LARP1: variants seen among roughly 807,000 people sequenced by gnomAD.
The protein encoded by LARP1 is La ribonucleoprotein 1, translational regulator, also known as la-related protein 1.
LARP1 carries 36 observed loss-of-function variants against 122.7 expected under a neutral mutation model. The ratio of observed to expected loss-of-function variants is 0.29; its 90% CI spans 0.22 to 0.39. The LOEUF is 0.39. Among genes scored for constraint, LARP1 ranks in the 10% least tolerant of loss-of-function variants. The probability of loss-of-function intolerance (pLI) is 1.00; values close to 1 mark genes in which losing one functional copy is unlikely to be tolerated. For synonymous variants in LARP1, 539 were observed against 528.7 expected (o/e 1.02, Z -0.27); for missense variants, 1,040 against 1,403.6 (o/e 0.74, Z 4.14).
chr5:154,775,464 A>C (rs1755793148), intron 1 of LARP1, among the ~76,000 whole-genome samples: 2 of 150,174 alleles, frequency 1.3e-5, no homozygotes, highest in African/African-American at 4.9e-5. Flanking sequence ...ACTGCATTCC[A>C]GTCTGGGTAA....
At chr5:154,689,919 A>C (rs1001071783) in intron 1 of LARP1, among the ~76,000 whole-genome samples, 2 of 152,190 alleles carry the variant, frequency 1.3e-5, no homozygotes, top group Non-Finnish European at 2.9e-5. Flanking sequence ...TCCACTAAAA[A>C]TACAAAAAAA....
intron 1 of LARP1, among the ~76,000 whole-genome samples, chr5:154,759,825 C>T (rs1457723777): frequency 1.3e-5 from 2 of 152,208 alleles, no homozygotes; most frequent in African/African-American, 4.8e-5. Flanking sequence ...TTACATGAGA[C>T]ATTAAACGCT....
intron 1 of LARP1, among the ~76,000 whole-genome samples, chr5:154,688,404 A>G (rs1754036733): frequency 6.6e-6 from 1 of 152,044 alleles, no homozygotes; most frequent in Non-Finnish European, 1.5e-5. Flanking sequence ...TCAAGCCTGC[A>G]CTTGGGGAGG....
chr5:154,764,333 C>T (rs985004093), intron 1 of LARP1, among the ~76,000 whole-genome samples: 6 of 149,170 alleles, frequency 4.0e-5, no homozygotes, highest in Non-Finnish European at 8.9e-5. Flanking sequence ...AAGCTGCATC[C>T]AGGTTGGGTG....
chr5:154,706,666 T>A (rs1235459037), intron 1 of LARP1, among the ~76,000 whole-genome samples: 1 of 151,744 alleles, frequency 6.6e-6, no homozygotes, highest in African/African-American at 2.4e-5. Context: ...TGACTCACAA[T>A]TTACGTATAT....
In LARP1 at chr5:154,715,234, A is replaced by G. The variant is rs184633505; in HGVS notation, c.205+2104A>G. Among the ~76,000 whole-genome samples, 266 of 148,476 alleles carry G rather than the reference A, an allele frequency of 1.8e-3. 1 individual carries two copies. The highest frequency in any genetic ancestry group is 2.6e-3 in the Non-Finnish European group (172 of 67,284). On this transcript the variant is annotated intron_variant, in intron 1 of 18. Transcript: ENST00000336314. Reference sequence around the variant, plus strand: ...TTTAAGGCCCCTGAAGGGTCATGTTAGCCAGTCCCCTGCTCTGGGGCAAGC... The same window carrying G: ...TTTAAGGCCCCTGAAGGGTCATGTTGGCCAGTCCCCTGCTCTGGGGCAAGC...
chr5:154,786,656 A>G (rs1247602366), intron 1 of LARP1: 2 of 330,642 alleles, frequency 6.0e-6, no homozygotes, highest in Non-Finnish European at 1.2e-5. Context: ...TTACACTAAG[A>G]AGGCTTTTGA....
In LARP1 at chr5:154,814,123, G is replaced by A. The variant is rs372762868; in HGVS notation, c.*27G>A. On this transcript the variant is annotated 3_prime_UTR_variant, in exon 19 of 19. Coordinates refer to ENST00000518297, the MANE Select transcript of LARP1 (RefSeq NM_033551.3). ...AAGCTCCTTAGCCCTGGGGCTTGAG[G>A]GGGGAAAGGGGTAGGGTGGGTAAGA... is the stretch of plus-strand genomic sequence containing the variant. 1.2e-6 allele frequency: 2 copies of A among 1,610,058 alleles called. No individual in the cohort carries two copies. Among genetic ancestry groups the A allele is most frequent in the East Asian group, 2.2e-5 (1 of 44,788 alleles).
intron 1 of LARP1, among the ~76,000 whole-genome samples, chr5:154,686,723 C>T (rs186756784): frequency 2.0e-5 from 3 of 152,226 alleles, no homozygotes; most frequent in South Asian, 2.1e-4. Context: ...TGGAGATGGC[C>T]GACAGACTGT....
chr5:154,794,870 GT>G (rs1337239492), intron 7 of LARP1, among the ~76,000 whole-genome samples: 1 of 152,228 alleles, frequency 6.6e-6, no homozygotes. Context: ...GTTTATAAGT[GT>G]TTTAGGAGCA....
intron 1 of LARP1, chr5:154,685,666 G>A (rs137944664): frequency 9.7e-5 from 35 of 362,460 alleles, no homozygotes; most frequent in African/African-American, 7.6e-4. Flanking sequence ...TCTATACGAT[G>A]CCTTTGTGCA....
At chr5:154,759,867 A>G (rs749892107) in intron 1 of LARP1, among the ~76,000 whole-genome samples, 1 of 152,218 alleles carries the variant, frequency 6.6e-6, no homozygotes, top group Non-Finnish European at 1.5e-5. Flanking sequence ...TGCTATGGCC[A>G]TCCGTAGGCT....
At chr5:154,810,148 A>T (rs1759140761) in intron 16 of LARP1, among the ~76,000 whole-genome samples, 1 of 152,008 alleles carries the variant, frequency 6.6e-6, no homozygotes, top group Non-Finnish European at 1.5e-5. Flanking sequence ...TTAAGATCTA[A>T]ATCTGGACTG....
intron 8 of LARP1, among the ~76,000 whole-genome samples, chr5:154,795,911 T>C (rs1425023645): frequency 8.2e-6 from 1 of 122,244 alleles, no homozygotes; most frequent in South Asian, 2.3e-4. Flanking sequence ...TATTATATAT[T>C]TATTATATAT....
chr5:154,768,761 T>C (rs1755161762), intron 1 of LARP1, among the ~76,000 whole-genome samples: 1 of 152,154 alleles, frequency 6.6e-6, no homozygotes, highest in African/African-American at 2.4e-5. Flanking sequence ...TTTGTATTTT[T>C]AGTAGAGATG....
At chr5:154,755,317 C>G (rs1485873175), upstream of LARP1, among the ~76,000 whole-genome samples, 1 of 149,174 alleles carries the variant, frequency 6.7e-6, no homozygotes, top group Non-Finnish European at 1.5e-5. Context: ...GGCGCGCGCC[C>G]GCCCGCCGCC....
chr5:154,800,308 C>CGA (rs1758239103), intron 10 of LARP1, among the ~76,000 whole-genome samples: 2 of 152,224 alleles, frequency 1.3e-5, no homozygotes, highest in Non-Finnish European at 2.9e-5. Flanking sequence ...CATGCAGCAT[C>CGA]TGGCAGCGAT....
chr5:154,689,681 C>T (rs1314202347), intron 1 of LARP1, among the ~76,000 whole-genome samples: 4 of 151,478 alleles, frequency 2.6e-5, no homozygotes, highest in Non-Finnish European at 1.5e-5. Context: ...TGTTTCCTTC[C>T]ATTCTCAAAG....
At chr5:154,748,084 A>G (rs1753299243) in intron 1 of LARP1, among the ~76,000 whole-genome samples, 1 of 152,180 alleles carries the variant, frequency 6.6e-6, no homozygotes, top group African/African-American at 2.4e-5. Flanking sequence ...TCCTGGCCTC[A>G]AGGGATTCTC....
Sources: gnomAD v4.1 joint callset for allele counts (sites outside exome capture counted in the v4.1 genomes callset) on GRCh38, gnomAD v4.1.1 for gene constraint, MANE v1.5 for transcripts, NCBI Gene and HGNC (gene_info 2026-07-23, HGNC 2026-07-21) for gene names.